RAD54B: variants seen among roughly 807,000 people sequenced by gnomAD.
The protein encoded by RAD54B is RAD54 homolog B.
A neutral mutation model predicts 95.8 loss-of-function variants in RAD54B; 78 were observed. The observed-to-expected ratio is 0.81, with a 90% CI of 0.68 to 0.98. RAD54B has a LOEUF of 0.98. Ranked by LOEUF, RAD54B falls within the 50% of genes least tolerant of loss-of-function variation. The pLI is 0.00. For missense variants in RAD54B, 957 were observed against 1,056.6 expected (o/e 0.91, Z 1.31); for synonymous variants, 328 against 354.9 (o/e 0.92, Z 0.85).
At chr8:94,420,402 T>C (rs1298388008) in intron 3 of RAD54B, among the ~76,000 whole-genome samples, 2 of 151,676 alleles carry the variant, frequency 1.3e-5, no homozygotes, top group Non-Finnish European at 2.9e-5. Context: ...ACTACAGGCA[T>C]GCACCACCAA....
intron 3 of RAD54B, among the ~76,000 whole-genome samples, chr8:94,438,449 G>T (rs563494398): frequency 1.3e-5 from 2 of 152,112 alleles, no homozygotes; most frequent in Non-Finnish European, 2.9e-5. Context: ...TGTCCATAGA[G>T]ATGCAAAAAG....
intron 3 of RAD54B, chr8:94,436,795 T>C: frequency 2.6e-6 from 4 of 1,549,994 alleles, no homozygotes; most frequent in Non-Finnish European, 3.5e-6. Flanking sequence ...AATTTTCACA[T>C]ATGGCTTCAC....
chr8:94,382,228 A>G (rs1227062409), intron 11 of RAD54B, among the ~76,000 whole-genome samples: 1 of 152,202 alleles, frequency 6.6e-6, no homozygotes, highest in African/African-American at 2.4e-5. Flanking sequence ...ATATTAAGGT[A>G]TATCAAGATT....
At position 94,464,794 on chromosome 8, in the gene RAD54B, T is replaced by C. The variant is rs540513245; in HGVS notation, c.135+2611A>G. On this transcript the variant is annotated intron_variant, in intron 2 of 14. Coordinates refer to ENST00000336148, the MANE Select transcript of RAD54B (RefSeq NM_012415.3). ...TTGGCTCACAGTTCTGCAGCCTGTA[T>C]AGGAAGCATGGTGCCAGCTTCTGTT... 3.9e-5 allele frequency among the ~76,000 whole-genome samples: 6 copies of C among 152,242 alleles called. No homozygotes were observed. The East Asian group carries it at 7.7e-4, about 20-fold the overall frequency.
At chr8:94,412,935 T>C (rs899517706) in intron 3 of RAD54B, among the ~76,000 whole-genome samples, 3 of 152,034 alleles carry the variant, frequency 2.0e-5, no homozygotes, top group African/African-American at 7.2e-5. Flanking sequence ...TAATCAAAAA[T>C]AAAATTTTTT....
intron 4 of RAD54B, among the ~76,000 whole-genome samples, chr8:94,408,448 A>T (rs1029278793): frequency 7.9e-5 from 12 of 152,094 alleles, no homozygotes; most frequent in Non-Finnish European, 1.5e-4. Context: ...ATGTGTAGTT[A>T]TTGTGCCATT....
chr8:94,435,045 T>C (rs1812219297), intron 3 of RAD54B, among the ~76,000 whole-genome samples: 1 of 152,012 alleles, frequency 6.6e-6, no homozygotes, highest in South Asian at 2.1e-4. Flanking sequence ...TTTCAAATTA[T>C]AAAAACCTAT....
Position 94,399,605 on chromosome 8 carries a change from T to C in RAD54B, c.1187A>G (p.Glu396Gly). 2 of 1,608,404 alleles carry C rather than the reference T, an allele frequency of 1.2e-6. No homozygotes were observed. The highest frequency in any genetic ancestry group is 1.7e-6 in the Non-Finnish European group (2 of 1,178,436). Residue 396 changes from glutamate to glycine, a missense_variant, in exon 8 of 15, where the codon GAA becomes GGA. Glu to Gly is a moderately conservative substitution (Grantham distance 98). Transcript: ENST00000336148. The part of the protein sequence containing the change: ...FTVDQDHKVE[E>G]FIKSIFYSVL... ...AGAATAAAATATAGACTTGATGAAT[T>C]CTTCAACTTTGTGGTCCTGAGGAAA...
At chr8:94,386,791 G>GTTTTC (rs1810899100) in intron 11 of RAD54B, among the ~76,000 whole-genome samples, 193 bp downstream of exon 11, 2 of 152,148 alleles carry the variant, frequency 1.3e-5, no homozygotes, top group South Asian at 4.1e-4. Context: ...GTATACATAT[G>GTTTTC]TTTAGTTTTT....
At chr8:94,444,410 T>TAAAAAAAAA (rs61282884) in intron 3 of RAD54B, among the ~76,000 whole-genome samples, 1 of 137,914 alleles carries the variant, frequency 7.3e-6, no homozygotes, top group Non-Finnish European at 1.6e-5. Context: ...TTTTAATAGT[T>TAAAAAAAAA]AAAAAAAAAA....
At chr8:94,426,013 C>T (rs1230474647) in intron 3 of RAD54B, among the ~76,000 whole-genome samples, 1 of 152,090 alleles carries the variant, frequency 6.6e-6, no homozygotes, top group Non-Finnish European at 1.5e-5. Flanking sequence ...AGTACAGTGG[C>T]GTCATCAGGG....
At chr8:94,401,672 G>A (rs892587657) in intron 6 of RAD54B, among the ~76,000 whole-genome samples, 1 of 152,082 alleles carries the variant, frequency 6.6e-6, no homozygotes, top group Non-Finnish European at 1.5e-5. Context: ...TCAGTTAATT[G>A]TATTTCTTCT....
At chr8:94,462,008 T>C (rs1381357121) in intron 2 of RAD54B, among the ~76,000 whole-genome samples, 1 of 152,198 alleles carries the variant, frequency 6.6e-6, no homozygotes, top group African/African-American at 2.4e-5. Flanking sequence ...TTCCTTTAGT[T>C]TCCTTCAATC....
intron 3 of RAD54B, among the ~76,000 whole-genome samples, chr8:94,450,103 T>G (rs758362989): frequency 6.6e-6 from 1 of 152,128 alleles, no homozygotes; most frequent in Non-Finnish European, 1.5e-5. Flanking sequence ...CAAAGGATGA[T>G]CTCCTCAAAA....
intron 5 of RAD54B, among the ~76,000 whole-genome samples, chr8:94,405,084 G>A (rs1811354446): frequency 6.6e-6 from 1 of 152,226 alleles, no homozygotes. Context: ...AAAGTGCTGG[G>A]ATTAAAGGCA....
At chr8:94,420,025 A>G (rs1443720647) in intron 3 of RAD54B, among the ~76,000 whole-genome samples, 1 of 152,120 alleles carries the variant, frequency 6.6e-6, no homozygotes, top group African/African-American at 2.4e-5. Context: ...AGCACAGCAC[A>G]TGCAGTACAG....
intron 3 of RAD54B, among the ~76,000 whole-genome samples, chr8:94,439,315 T>C (rs1004240266): frequency 6.6e-6 from 1 of 152,224 alleles, no homozygotes; most frequent in Non-Finnish European, 1.5e-5. Flanking sequence ...AAGCATTCTT[T>C]GCAGTTGCAT....
At position 94,400,395 on chromosome 8, in the gene RAD54B, GA is replaced by G. The variant is rs1563642495; in HGVS notation, c.1012del (p.Ser338ArgfsTer17). ...CTGACACTGCAGGGTCCAGATGAGC[GA>G]AATACATTGCAATGTCTTCCCTAAA... ...MGLGKTLQCISLIWTLQCQGP... is the reference protein window; with the variant it reads ...MGLGKTLQCIXLIWTLQCQGP... On this transcript the variant is annotated frameshift_variant, in exon 7 of 15. Coordinates refer to ENST00000336148, the MANE Select transcript of RAD54B (RefSeq NM_012415.3). LOFTEE classifies it high-confidence loss of function. The G allele has an allele frequency of 6.2e-7, 1 of 1,613,700 alleles. No individual in the cohort carries two copies. The highest frequency in any genetic ancestry group is 1.1e-5 in the South Asian group (1 of 91,056).
intron 4 of RAD54B, among the ~76,000 whole-genome samples, chr8:94,409,748 A>G (rs1468136081): frequency 6.6e-6 from 1 of 152,148 alleles, no homozygotes; most frequent in East Asian, 1.9e-4. Context: ...GTTACTTGCA[A>G]CTGAAAGATC....
Sources: gnomAD v4.1 joint callset for allele counts (sites outside exome capture counted in the v4.1 genomes callset) on GRCh38, gnomAD v4.1.1 for gene constraint, MANE v1.5 for transcripts, NCBI Gene and HGNC (gene_info 2026-07-23, HGNC 2026-07-21) for gene names.